The following PEX5L variants were observed in gnomAD, a reference collection of about 807,000 sequenced individuals.
PEX5L encodes the protein PEX5-related protein.
A neutral mutation model predicts 84.0 loss-of-function variants in PEX5L; 30 were observed. The ratio of observed to expected loss-of-function variants is 0.36; its 90% CI spans 0.27 to 0.48. PEX5L has a LOEUF of 0.48. Among genes scored for constraint, PEX5L ranks in the 20% least tolerant of loss-of-function variants. The pLI, the probability that PEX5L is intolerant of heterozygous loss-of-function variation, is 0.99. For synonymous variants in PEX5L, 270 were observed against 283.1 expected, an observed-to-expected ratio of 0.95 and a Z score of 0.46; for missense variants, 533 against 754.6, an observed-to-expected ratio of 0.71 and a Z score of 3.44.
At position 179,812,943 on chromosome 3, in the gene PEX5L, C is replaced by A. The variant is rs139377735; in HGVS notation, c.1084-1072G>T. Among the ~76,000 whole-genome samples, 5 of 152,142 alleles carry A rather than the reference C, an allele frequency of 3.3e-5. No homozygotes were observed. In the East Asian group the frequency reaches 9.7e-4, roughly 29 times the overall value. On this transcript the variant is annotated intron_variant, in intron 10 of 14. Transcript: ENST00000467460. The stretch of plus-strand genomic sequence containing the variant: ...TTTAAAACAAAACTCTATGAAAGCA[C>A]AGTTATCTTAAAGTGCCATTTGAAT...
At chr3:179,995,378 T>G (rs1394787413) in intron 1 of PEX5L, among the ~76,000 whole-genome samples, 1 of 151,860 alleles carries the variant, frequency 6.6e-6, no homozygotes, top group Non-Finnish European at 1.5e-5. Flanking sequence ...TTGGGGTTTC[T>G]GGAGTTGGCT....
intron 8 of PEX5L, among the ~76,000 whole-genome samples, chr3:179,821,955 T>C (rs544314339): frequency 2.0e-5 from 3 of 152,360 alleles, no homozygotes; most frequent in East Asian, 1.9e-4. Context: ...TTTGCTTTTA[T>C]AATTAAAAAA....
intron 5 of PEX5L, 61 bp from the exon 6 acceptor site, chr3:179,875,538 TGGCGG>T: frequency 1.4e-6 from 1 of 732,424 alleles, no homozygotes; most frequent in Non-Finnish European, 2.2e-6. Flanking sequence ...GGGGGAGCGG[TGGCGG>T]GGAGTGGGGT....
chr3:179,878,714 G>T (rs1371139491), intron 5 of PEX5L, among the ~76,000 whole-genome samples: 1 of 152,106 alleles, frequency 6.6e-6, no homozygotes, highest in Non-Finnish European at 1.5e-5. Flanking sequence ...AGCTCACATA[G>T]TACCTCTTGT....
At chr3:179,854,444 T>C (rs1371696217) in intron 8 of PEX5L, among the ~76,000 whole-genome samples, 1 of 152,138 alleles carries the variant, frequency 6.6e-6, no homozygotes, top group Non-Finnish European at 1.5e-5. Flanking sequence ...ATATGCCCAA[T>C]GTTACTGGCA....
chr3:179,878,056 C>T (rs1283332879), intron 5 of PEX5L, among the ~76,000 whole-genome samples: 3 of 152,168 alleles, frequency 2.0e-5, no homozygotes, highest in Non-Finnish European at 4.4e-5. Flanking sequence ...CTACTCAGTT[C>T]TTTTTCTCCA....
chr3:180,007,854 C>A (rs1789064105), intron 1 of PEX5L, among the ~76,000 whole-genome samples: 1 of 152,178 alleles, frequency 6.6e-6, no homozygotes. Flanking sequence ...GTGCAGGGAC[C>A]CTGGGCCTGG....
rs58330967 is a variant in PEX5L at position 180,031,090 on chromosome 3, A to T, written c.21+5489T>A. Among the ~76,000 whole-genome samples the T allele has an allele frequency of 1.4e-4, 22 of 152,018 alleles. No homozygotes were observed. The East Asian group carries it at 4.2e-3, about 29-fold the overall frequency. On this transcript the variant is annotated intron_variant, in intron 1 of 14. Coordinates refer to ENST00000467460, the MANE Select transcript of PEX5L (RefSeq NM_016559.3). ...ATGACAATGGATATTTATCTAATGG[A>T]TATTTATACTAATAAAAAAATAGTA... is the stretch of plus-strand genomic sequence containing the variant.
intron 11 of PEX5L, 65 bp downstream of exon 11, chr3:179,811,735 TC>T: frequency 1.7e-6 from 2 of 1,174,584 alleles, no homozygotes; most frequent in Non-Finnish European, 2.6e-6. Context: ...AAAAGACAAA[TC>T]TGAAACAGGA....
chr3:179,813,453 T>A (rs976672195), intron 10 of PEX5L, among the ~76,000 whole-genome samples: 3 of 152,200 alleles, frequency 2.0e-5, no homozygotes. Context: ...GGCCTATAGT[T>A]TCATATTAGT....
intron 1 of PEX5L, among the ~76,000 whole-genome samples, chr3:179,978,557 C>G (rs1228222865): frequency 6.6e-6 from 1 of 152,132 alleles, no homozygotes; most frequent in Non-Finnish European, 1.5e-5. Flanking sequence ...TTTTCACCCA[C>G]TTGACATATT....
intron 10 of PEX5L, among the ~76,000 whole-genome samples, chr3:179,813,035 A>T (rs1024970798): frequency 6.6e-6 from 1 of 152,190 alleles, no homozygotes; most frequent in Admixed American, 6.5e-5. Context: ...AATACTGATT[A>T]TTCCTCCCTC....
intron 2 of PEX5L, among the ~76,000 whole-genome samples, chr3:179,958,472 A>T (rs1381308118): frequency 6.6e-6 from 1 of 152,218 alleles, no homozygotes; most frequent in Non-Finnish European, 1.5e-5. Flanking sequence ...AGTAATATAC[A>T]AAAAGTCTTT....
At position 179,954,207 on chromosome 3, in the gene PEX5L, G is replaced by T. The variant is rs78637936; in HGVS notation, c.93+17387C>A. On this transcript the variant is annotated intron_variant, in intron 2 of 14. Transcript: ENST00000467460. ...AGCCCAGAAATTAACCATTAGTCGG[G>T]GGGGGGGGAAAAAGTCAGCCATGAG... 2.9e-4 allele frequency among the ~76,000 whole-genome samples: 30 copies of T among 102,764 alleles called. 1 individual carries two copies. Among genetic ancestry groups the T allele is most frequent in the African/African-American group, 6.9e-4 (22 of 32,112 alleles). The allele number at this position is 102,764 out of a possible 152,430, so 67.4% of individuals were successfully genotyped here.
intron 2 of PEX5L, among the ~76,000 whole-genome samples, chr3:179,942,136 G>C (rs1198536235): frequency 6.6e-6 from 1 of 152,118 alleles, no homozygotes; most frequent in Non-Finnish European, 1.5e-5. Context: ...TGGAGGAAAA[G>C]CTGTTGCCGT....
chr3:180,032,677 A>C (rs1791565570), intron 1 of PEX5L, among the ~76,000 whole-genome samples: 1 of 152,154 alleles, frequency 6.6e-6, no homozygotes, highest in African/African-American at 2.4e-5. Context: ...AACATGGTGA[A>C]ACCCTGTCTC....
At chr3:179,807,319 A>G (rs1721701662) in intron 14 of PEX5L, among the ~76,000 whole-genome samples, 3 of 152,162 alleles carry the variant, frequency 2.0e-5, no homozygotes, top group African/African-American at 7.2e-5. Flanking sequence ...CTTAAGTGGA[A>G]AATGAAAGAT....
chr3:179,950,379 G>A (rs185682345), intron 2 of PEX5L, among the ~76,000 whole-genome samples: 2 of 151,958 alleles, frequency 1.3e-5, no homozygotes, highest in African/African-American at 4.8e-5. Flanking sequence ...GGAGGGGGTG[G>A]GGAGGGATAG....
chr3:179,832,239 A>AAGAGAGAGAGAGACAGAGAGAG (rs1439152365), intron 8 of PEX5L, among the ~76,000 whole-genome samples: 1 of 151,574 alleles, frequency 6.6e-6, no homozygotes, highest in Non-Finnish European at 1.5e-5. Context: ...GAGCTACAGA[A>AAGAGAGAGAGAGACAGAGAGAG]AGAGAGAGAG....
Sources: allele counts gnomAD v4.1 joint callset (sites outside exome capture counted in the v4.1 genomes callset), GRCh38; gene constraint gnomAD v4.1.1; transcripts MANE v1.5; gene names NCBI Gene and HGNC (gene_info 2026-07-23, HGNC 2026-07-21).